The following PACRG variants were observed in gnomAD, a reference collection of about 807,000 sequenced individuals.
The protein encoded by PACRG is parkin coregulated gene protein.
A neutral mutation model predicts 29.7 loss-of-function variants in PACRG; 29 were observed. The ratio of observed to expected loss-of-function variants is 0.98; its 90% CI spans 0.73 to 1.33. The LOEUF (loss-of-function observed/expected upper bound fraction) is 1.33. Ranked by LOEUF, PACRG falls within the 40% of genes most tolerant of loss-of-function variation. The pLI is 0.00. For missense variants in PACRG, 279 were observed against 316.2 expected, an observed-to-expected ratio of 0.88 and a Z score of 0.89; for synonymous variants, 116 against 118.7, an observed-to-expected ratio of 0.98 and a Z score of 0.15.
intron 4 of PACRG, among the ~76,000 whole-genome samples, chr6:163,115,651 C>T (rs1158644990): frequency 2.0e-5 from 3 of 151,984 alleles, no homozygotes; most frequent in East Asian, 1.9e-4. Context: ...ACAAGCAGGA[C>T]GAGGCTGCGA....
intron 4 of PACRG, among the ~76,000 whole-genome samples, chr6:163,141,361 G>C (rs76125524): frequency 5.3e-4 from 80 of 151,798 alleles, no homozygotes; most frequent in African/African-American, 1.6e-3. Flanking sequence ...AGCTAAGACT[G>C]AGATACCAGA....
intron 2 of PACRG, among the ~76,000 whole-genome samples, chr6:162,986,276 A>G (rs1207004750): frequency 2.0e-5 from 3 of 152,208 alleles, no homozygotes; most frequent in Non-Finnish European, 1.5e-5. Flanking sequence ...CAAAAAGAAC[A>G]AATCTGAAGG....
At chr6:163,147,139 CCTT>C (rs1777833926) in intron 4 of PACRG, among the ~76,000 whole-genome samples, 1 of 152,148 alleles carries the variant, frequency 6.6e-6, no homozygotes, top group Admixed American at 6.6e-5. Flanking sequence ...GGGTCAGTCT[CCTT>C]CTCTGATTGG....
chr6:163,192,966 C>T (rs1195124370), intron 4 of PACRG, among the ~76,000 whole-genome samples: 1 of 152,172 alleles, frequency 6.6e-6, no homozygotes, highest in Admixed American at 6.5e-5. Context: ...ATTCTACAAC[C>T]CTTAAACCGG....
At chr6:162,944,028 G>T (rs1798822073) in intron 2 of PACRG, among the ~76,000 whole-genome samples, 2 of 152,110 alleles carry the variant, frequency 1.3e-5, no homozygotes, top group South Asian at 4.1e-4. Context: ...TGCCTGCCTG[G>T]TCCTGCTAGC....
At chr6:163,114,396 A>G (rs886719649) in intron 4 of PACRG, among the ~76,000 whole-genome samples, 1 of 152,230 alleles carries the variant, frequency 6.6e-6, no homozygotes, top group Non-Finnish European at 1.5e-5. Context: ...CCTTAGGGTG[A>G]CCACAAAGAA....
At chr6:162,735,943 A>G (rs1780133503) in intron 1 of PACRG, among the ~76,000 whole-genome samples, 1 of 152,234 alleles carries the variant, frequency 6.6e-6, no homozygotes, top group Non-Finnish European at 1.5e-5. Context: ...TAAAGTAGAA[A>G]GCTTGGGCTC....
At chr6:162,877,432 T>C (rs1793456863) in intron 2 of PACRG, among the ~76,000 whole-genome samples, 1 of 151,302 alleles carries the variant, frequency 6.6e-6, no homozygotes, top group African/African-American at 2.4e-5. Context: ...CCAGGGCCTG[T>C]TGGGAGGTTG....
chr6:162,805,951 A>C (rs534660603), intron 1 of PACRG, among the ~76,000 whole-genome samples: 1 of 152,248 alleles, frequency 6.6e-6, no homozygotes, highest in East Asian at 1.9e-4. Context: ...TTTAATGTTG[A>C]TATTTTGACC....
intron 4 of PACRG, among the ~76,000 whole-genome samples, chr6:163,219,308 C>G (rs1402011623): frequency 6.6e-6 from 1 of 152,192 alleles, no homozygotes; most frequent in Non-Finnish European, 1.5e-5. Context: ...TTATAAGACA[C>G]AGCCCATCCA....
chr6:163,292,648 T>C lies in PACRG; in HGVS notation c.614-22179T>C, dbSNP rs549022944. ...CCATGTTAACAGGCTGGTCTCAAAC[T>C]CCTGACCTCAGGTGATCCACCCTCC... On this transcript the variant is annotated intron_variant, in intron 4 of 4. Coordinates refer to ENST00000366888, the MANE Select transcript of PACRG (RefSeq NM_001080379.2). Among the ~76,000 whole-genome samples the C allele has an allele frequency of 2.0e-5, 3 of 152,078 alleles. No homozygotes were observed. The East Asian group carries it at 5.8e-4, about 29-fold the overall frequency.
At chr6:163,149,331 C>T (rs976797798) in intron 4 of PACRG, among the ~76,000 whole-genome samples, 14 of 152,146 alleles carry the variant, frequency 9.2e-5, no homozygotes, top group Non-Finnish European at 1.5e-4. Flanking sequence ...CCCTTCCATC[C>T]TCCCCAGCGC....
chr6:162,941,507 T>G (rs1758010655), intron 2 of PACRG, among the ~76,000 whole-genome samples: 1 of 152,090 alleles, frequency 6.6e-6, no homozygotes, highest in Admixed American at 6.6e-5. Flanking sequence ...CAGAGTAAAA[T>G]GAAATCTTAG....
chr6:162,833,531 T>A (rs772911957), intron 2 of PACRG, among the ~76,000 whole-genome samples: 6 of 152,218 alleles, frequency 3.9e-5, no homozygotes, highest in Admixed American at 2.6e-4. Flanking sequence ...TGTTGTTTCT[T>A]GACTTTTTAG....
chr6:162,828,184 T>C (rs888397371), intron 2 of PACRG, among the ~76,000 whole-genome samples: 3 of 152,212 alleles, frequency 2.0e-5, no homozygotes, highest in African/African-American at 7.2e-5. Context: ...TATCTGTGAC[T>C]TTTAAATTTT....
chr6:163,169,419 C>T (rs891216299), intron 4 of PACRG, among the ~76,000 whole-genome samples: 1 of 152,082 alleles, frequency 6.6e-6, no homozygotes, highest in Non-Finnish European at 1.5e-5. Flanking sequence ...AGTCAAGATT[C>T]GGGTCAACTG....
chr6:162,990,454 A>G (rs1803351871), intron 2 of PACRG, among the ~76,000 whole-genome samples: 1 of 148,870 alleles, frequency 6.7e-6, no homozygotes, highest in African/African-American at 2.5e-5. Flanking sequence ...ATGATATCTC[A>G]GAGTGGTTTT....
At chr6:163,000,585 C>T (rs1188089669) in intron 2 of PACRG, among the ~76,000 whole-genome samples, 1 of 152,164 alleles carries the variant, frequency 6.6e-6, no homozygotes, top group Non-Finnish European at 1.5e-5. Context: ...CCCTGTGTGG[C>T]CTTGGGCATG....
intron 2 of PACRG, among the ~76,000 whole-genome samples, chr6:162,845,770 T>C (rs9347696): frequency 0.065 from 9,841 of 152,306 alleles, 463 homozygotes; most frequent in East Asian, 0.26. Flanking sequence ...AATGTTTTAA[T>C]TTACCTCCAG....
Sources: allele counts gnomAD v4.1 joint callset (sites outside exome capture counted in the v4.1 genomes callset), GRCh38; gene constraint gnomAD v4.1.1; transcripts MANE v1.5; gene names NCBI Gene and HGNC (gene_info 2026-07-23, HGNC 2026-07-21).